Variants in RXRA observed in about 807,000 individuals in gnomAD.
RXRA encodes retinoic acid receptor RXR-alpha.
RXRA carries 5 observed loss-of-function variants against 44.5 expected under a neutral mutation model. The ratio of observed to expected loss-of-function variants is 0.11; its 90% confidence interval spans 0.06 to 0.24. RXRA has a LOEUF of 0.24. Ranked by LOEUF, RXRA falls within the 10% of genes least tolerant of loss-of-function variation. The pLI is 1.00. For synonymous variants in RXRA, 291 were observed against 271.4 expected, an observed-to-expected ratio of 1.07 and a Z score of -0.71; for missense variants, 412 against 646.5, an observed-to-expected ratio of 0.64 and a Z score of 3.93.
At chr9:134,398,009 C>T (rs569658084) in intron 1 of RXRA, among the ~76,000 whole-genome samples, 3 of 151,806 alleles carry the variant, frequency 2.0e-5, no homozygotes, top group African/African-American at 7.3e-5. Context: ...GGCAGAGTTT[C>T]GCTTTTGTCA....
chr9:134,410,937 A>G (rs1168155625), intron 4 of RXRA, among the ~76,000 whole-genome samples: 1 of 152,162 alleles, frequency 6.6e-6, no homozygotes, highest in South Asian at 2.1e-4. Context: ...GGGGGGGCCC[A>G]GGGGGCAGCC....
intron 4 of RXRA, among the ~76,000 whole-genome samples, chr9:134,413,485 T>C (rs1033328469): frequency 2.0e-5 from 3 of 152,198 alleles, no homozygotes; most frequent in Admixed American, 1.3e-4. Context: ...TCTAGCTTGC[T>C]GTGTGGCCTC....
chr9:134,393,178 G>A (rs559028777), intron 1 of RXRA, among the ~76,000 whole-genome samples: 18 of 152,276 alleles, frequency 1.2e-4, no homozygotes, highest in East Asian at 5.8e-4. Context: ...CGGCTCTGCC[G>A]TCAGCCTAAA....
chr9:134,349,727 C>T lies in RXRA; in HGVS notation c.28+23068C>T, dbSNP rs1015467442. Among the ~76,000 whole-genome samples the T allele has an allele frequency of 3.4e-5, 5 of 146,724 alleles. No individual in the cohort carries two copies. The highest frequency in any genetic ancestry group is 1.3e-4 in the African/African-American group (5 of 39,826). The stretch of plus-strand genomic sequence containing the variant: ...CTGAATGCCTGTCTCCCTGGAGGCG[C>T]AGGGCTGTGCACAGGATTCCCCAGG... On this transcript the variant is annotated intron_variant, in intron 1 of 9. Transcript: ENST00000481739. The surrounding 1 kb of genome is among the most constrained non-coding windows in gnomAD (Gnocchi z 4.3).
rs886411614 is a variant in RXRA at position 134,425,427 on chromosome 9, A to G, written c.910+3622A>G. ...CACAGCTTTCAGGTTTCTCCGTCCA[A>G]CCTCCTTCCCACCTGCCCCCTTCAT... On this transcript the variant is annotated intron_variant, in intron 6 of 9. Coordinates refer to ENST00000481739, the MANE Select transcript of RXRA (RefSeq NM_002957.6). The G allele has an allele frequency of 2.5e-5, 25 of 983,682 alleles. No individual in the cohort carries two copies. In the Admixed American group the frequency reaches 3.1e-4, roughly 12 times the overall value. The allele number at this position is 983,682 out of a possible 1,614,324, so 60.9% of individuals were successfully genotyped here.
chr9:134,332,091 C>T (rs551750116), intron 1 of RXRA, among the ~76,000 whole-genome samples: 9 of 151,440 alleles, frequency 5.9e-5, no homozygotes, highest in Non-Finnish European at 1.2e-4. Flanking sequence ...GAGTGGCGAC[C>T]CCTTGATCCT....
chr9:134,412,239 G>C (rs546836376), intron 4 of RXRA, among the ~76,000 whole-genome samples: 2 of 152,240 alleles, frequency 1.3e-5, no homozygotes, highest in Non-Finnish European at 2.9e-5. Flanking sequence ...GGGAGCTGTC[G>C]GCTCTGGGGA....
chr9:134,411,018 C>T (rs1056768364), intron 4 of RXRA, among the ~76,000 whole-genome samples: 8 of 152,196 alleles, frequency 5.3e-5, no homozygotes, highest in Admixed American at 3.9e-4. Context: ...CTCGGGCACC[C>T]GGTGAGACGC....
At chr9:134,341,109 A>T (rs1217553628) in intron 1 of RXRA, among the ~76,000 whole-genome samples, 1 of 151,992 alleles carries the variant, frequency 6.6e-6, no homozygotes, top group Non-Finnish European at 1.5e-5. Flanking sequence ...GGGGACAGGG[A>T]GAGGTGGGTG....
intron 6 of RXRA, chr9:134,425,706 C>T: frequency 2.0e-6 from 2 of 985,330 alleles, no homozygotes; most frequent in Non-Finnish European, 2.4e-6. Context: ...TAATCCTGCC[C>T]ACATCTCTGG....
Position 134,343,365 on chromosome 9 carries a change from GGGA to G in RXRA, c.28+16714_28+16716del, listed in dbSNP as rs558134799. ...CTGAACCTCAGTGTCTTTGAGGGCT[GGGA>G]GGAGGAGTTTCTTCTTCTGGGTTCT... On this transcript the variant is annotated intron_variant, in intron 1 of 9. Transcript: ENST00000481739. The surrounding 1 kb of genome is among the most constrained non-coding windows in gnomAD (Gnocchi z 4.1). 6.6e-6 allele frequency among the ~76,000 whole-genome samples: 1 copy of G among 152,146 alleles called. No homozygotes were observed. Among genetic ancestry groups the G allele is most frequent in the African/African-American group, 2.4e-5 (1 of 41,432 alleles).
chr9:134,415,144 C>T (rs186102179), intron 4 of RXRA, among the ~76,000 whole-genome samples: 293 of 152,344 alleles, frequency 1.9e-3, no homozygotes, highest in African/African-American at 6.6e-3. Context: ...TGGGCCTCCC[C>T]GCCTGAGTCT....
intron 1 of RXRA, chr9:134,380,190 C>T (rs527726418): frequency 8.1e-6 from 8 of 985,054 alleles, no homozygotes; most frequent in Non-Finnish European, 9.6e-6. Context: ...TGGCCCCCCG[C>T]GGTGTAGGCC....
chr9:134,372,178 T>G (rs536853903), intron 1 of RXRA: 2 of 152,280 alleles, frequency 1.3e-5, no homozygotes, highest in South Asian at 4.1e-4. Flanking sequence ...AGCCCGGCCA[T>G]CCAGTCTCAG....
chr9:134,402,924 C>T (rs939345978), intron 2 of RXRA: 1 of 152,110 alleles, frequency 6.6e-6, no homozygotes, highest in East Asian at 1.9e-4. Context: ...GGGTGGGACT[C>T]GCCCTAGGAG....
At chr9:134,387,390 C>T (rs796125519) in intron 1 of RXRA, among the ~76,000 whole-genome samples, 27 of 152,380 alleles carry the variant, frequency 1.8e-4, no homozygotes, top group African/African-American at 6.5e-4. Context: ...GTAACTTTCC[C>T]AAGACCACGG....
At chr9:134,419,643 A>T (rs1831295455) in intron 5 of RXRA, among the ~76,000 whole-genome samples, 1 of 152,220 alleles carries the variant, frequency 6.6e-6, no homozygotes, top group Non-Finnish European at 1.5e-5. Context: ...GGTCCTGTGG[A>T]CACTTCTAGG....
chr9:134,415,959 T>C (rs1323062955), intron 4 of RXRA, among the ~76,000 whole-genome samples: 1 of 152,022 alleles, frequency 6.6e-6, no homozygotes, highest in Non-Finnish European at 1.5e-5. Context: ...ACCGGTACAA[T>C]GGGGTAATGT....
At chr9:134,395,175 C>T (rs1830859276) in intron 1 of RXRA, among the ~76,000 whole-genome samples, 1 of 152,254 alleles carries the variant, frequency 6.6e-6, no homozygotes. Context: ...GGCTCTGCAA[C>T]CCCGGTCACT....
Sources: gnomAD v4.1 joint callset for allele counts (sites outside exome capture counted in the v4.1 genomes callset) on GRCh38, gnomAD v4.1.1 for gene constraint, Gnocchi (gnomAD v3.1) non-coding constraint, MANE v1.5 for transcripts, NCBI Gene and HGNC (gene_info 2026-07-23, HGNC 2026-07-21) for gene names.